DMD: variants seen among roughly 807,000 people sequenced by gnomAD.
DMD encodes dystrophin, also known as mutant dystrophin.
DMD carries 63 observed loss-of-function variants against 330.1 expected under a neutral mutation model. The observed-to-expected ratio is 0.19, with a 90% CI of 0.16 to 0.24. DMD has a LOEUF of 0.24. Among genes scored for constraint, DMD ranks in the 10% least tolerant of loss-of-function variants. DMD has a pLI of 1.00. For missense variants in DMD, 3,344 were observed against 2,684.1 expected, an observed-to-expected ratio of 1.25 and a Z score of -5.43; for synonymous variants, 1,223 against 959.8, an observed-to-expected ratio of 1.27 and a Z score of -5.07.
Position 31,918,270 on chromosome X carries a change from C to T in DMD, c.6912+11326G>A, listed in dbSNP as rs544327020. Among the ~76,000 whole-genome samples, 50 of 112,129 alleles carry T rather than the reference C, an allele frequency of 4.5e-4. No individual in the cohort carries two copies. The South Asian group carries it at 0.019, about 42-fold the overall frequency. On this transcript the variant is annotated intron_variant, in intron 47 of 78. Transcript: ENST00000357033. Reference sequence around the variant, plus strand: ...AGATGGGCAAACATGCTTCATAATGCATCACTGTTGGACAAATGAGGAACT... The same window carrying T: ...AGATGGGCAAACATGCTTCATAATGTATCACTGTTGGACAAATGAGGAACT...
At chrX:32,174,338 C>G (rs746978291) in intron 44 of DMD, among the ~76,000 whole-genome samples, 1 of 112,415 alleles carries the variant, frequency 8.9e-6, no homozygotes, top group African/African-American at 3.2e-5. Flanking sequence ...AGGGATAACT[C>G]TTTTTGGTGT....
intron 44 of DMD, among the ~76,000 whole-genome samples, chrX:32,057,201 C>T (rs2096182965): frequency 9.0e-6 from 1 of 111,476 alleles, no homozygotes; most frequent in South Asian, 3.7e-4. Context: ...CCCTTAAGAT[C>T]AGAAACAAGA....
At chrX:31,124,807 A>C (rs1026650569) in intron 78 of DMD, among the ~76,000 whole-genome samples, 1 of 111,935 alleles carries the variant, frequency 8.9e-6, no homozygotes, top group African/African-American at 3.2e-5. Context: ...CAAAGATCCA[A>C]GACCTCAATA....
chrX:32,998,603 A>T (rs1007677534), intron 2 of DMD, among the ~76,000 whole-genome samples: 6 of 102,582 alleles, frequency 5.8e-5, no homozygotes, highest in Non-Finnish European at 9.9e-5. Context: ...CTACCTATTT[A>T]TATATATATA....
intron 18 of DMD, 96 bp from the exon 19 acceptor site, chrX:32,501,938 T>C: frequency 1.5e-6 from 1 of 647,355 alleles, no homozygotes; most frequent in Non-Finnish European, 2.5e-6. Context: ...CCTTAAGATG[T>C]TTCACTCTGT....
chrX:32,489,580 G>C (rs989753912), intron 20 of DMD, among the ~76,000 whole-genome samples: 10 of 111,277 alleles, frequency 9.0e-5, no homozygotes, highest in Non-Finnish European at 1.7e-4. Context: ...CTCACTTCTA[G>C]AACTCTCAGA....
chrX:31,836,411 C>G (rs1236367486), intron 49 of DMD, among the ~76,000 whole-genome samples: 1 of 111,917 alleles, frequency 8.9e-6, no homozygotes, highest in Non-Finnish European at 1.9e-5. Flanking sequence ...GGCTGGCAAG[C>G]AAAGCAATAA....
At chrX:31,466,460 A>G (rs1297374620) in intron 59 of DMD, among the ~76,000 whole-genome samples, 2 of 111,942 alleles carry the variant, frequency 1.8e-5, no homozygotes, top group African/African-American at 3.3e-5. Flanking sequence ...CAGGTTTGTC[A>G]AAGATCAGAT....
chrX:32,591,713 G>GA (rs1423175065), intron 13 of DMD, among the ~76,000 whole-genome samples: 1 of 112,253 alleles, frequency 8.9e-6, no homozygotes, highest in Non-Finnish European at 1.9e-5. Flanking sequence ...CAGGAGCGCT[G>GA]CTCCCTACTG....
At chrX:32,198,642 T>C (rs766193534) in intron 44 of DMD, among the ~76,000 whole-genome samples, 3 of 112,017 alleles carry the variant, frequency 2.7e-5, no homozygotes, top group Non-Finnish European at 3.8e-5. Flanking sequence ...TATTCTCTTT[T>C]GAACCAGTTT....
In DMD at chrX:32,364,643, G is replaced by A. The variant is rs1603631742; in HGVS notation, c.5093C>T (p.Ala1698Val). 2 of 1,209,412 alleles carry A rather than the reference G, an allele frequency of 1.7e-6. No individual in the cohort carries two copies. The highest frequency in any genetic ancestry group is 2.2e-5 in the Admixed American group (1 of 45,962). ...CTCTGATTCATCCAAAAGTGTGTCAGCCTGAATGATCCACTTTGTGATGTG... is the reference window on the plus strand; with the variant it reads ...CTCTGATTCATCCAAAAGTGTGTCAACCTGAATGATCCACTTTGTGATGTG... ...VDHITKWIIQADTLLDESEKK... is the reference protein window; with the variant it reads ...VDHITKWIIQVDTLLDESEKK... The change falls in exon 36 of 79, where the codon GCT becomes GTT. Residue 1698 changes from alanine (A) to valine (V), a missense_variant. Transcript: ENST00000357033.
At chrX:32,521,219 G>A (rs534647757) in intron 17 of DMD, among the ~76,000 whole-genome samples, 2 of 111,931 alleles carry the variant, frequency 1.8e-5, no homozygotes, top group South Asian at 7.5e-4. Flanking sequence ...CACCAGGCTG[G>A]AGTGCAGTGG....
intron 29 of DMD, among the ~76,000 whole-genome samples, chrX:32,422,765 CCATTT>C (rs1435302840): frequency 9.0e-6 from 1 of 111,135 alleles, no homozygotes; most frequent in African/African-American, 3.3e-5. Context: ...ATTCCCTTTT[CCATTT>C]ATCATTTTTT....
intron 57 of DMD, among the ~76,000 whole-genome samples, chrX:31,489,373 T>A (rs2146978683): frequency 8.9e-6 from 1 of 112,014 alleles, no homozygotes; most frequent in African/African-American, 3.2e-5. Context: ...CGTCCAGGGA[T>A]CTGCCTGTTT....
At chrX:31,427,007 A>G (rs2063754892) in intron 60 of DMD, among the ~76,000 whole-genome samples, 1 of 112,483 alleles carries the variant, frequency 8.9e-6, no homozygotes, top group South Asian at 3.7e-4. Context: ...CAAATAAGGT[A>G]AAAAGGTCAA....
At chrX:31,602,186 T>C (rs762601523) in intron 55 of DMD, among the ~76,000 whole-genome samples, 2 of 111,233 alleles carry the variant, frequency 1.8e-5, no homozygotes, top group African/African-American at 6.5e-5. Flanking sequence ...GACCTTCACG[T>C]TTGTGACCCA....
chrX:31,612,680 T>C (rs1037326165), intron 55 of DMD, among the ~76,000 whole-genome samples: 5 of 111,762 alleles, frequency 4.5e-5, no homozygotes, highest in African/African-American at 1.6e-4. Context: ...TACACACTGG[T>C]ATACATGGAA....
chrX:32,147,865 A>G (rs916461036), intron 44 of DMD, among the ~76,000 whole-genome samples: 3 of 107,152 alleles, frequency 2.8e-5, no homozygotes, highest in African/African-American at 6.9e-5. Flanking sequence ...TATACACTCA[A>G]AAAAATTTCT....
chrX:31,283,100 C>A (rs781714835), intron 62 of DMD, among the ~76,000 whole-genome samples: 1 of 111,374 alleles, frequency 9.0e-6, no homozygotes, highest in Non-Finnish European at 1.9e-5. Context: ...AGGCAAAATT[C>A]TTTAGTGAAA....
Sources: gnomAD v4.1 joint callset for allele counts (sites outside exome capture counted in the v4.1 genomes callset) on GRCh38, gnomAD v4.1.1 for gene constraint, MANE v1.5 for transcripts, NCBI Gene and HGNC (gene_info 2026-07-23, HGNC 2026-07-21) for gene names.